Variants in CLEC19A observed in about 807,000 individuals in gnomAD.
CLEC19A encodes the protein C-type lectin domain family 19 member A.
A neutral mutation model predicts 26.1 loss-of-function variants in CLEC19A; 21 were observed. That is an observed-to-expected ratio of 0.80 (90% confidence interval 0.57 to 1.16). The LOEUF (loss-of-function observed/expected upper bound fraction) is 1.16, where lower values mean the gene tolerates loss of function less well. Among genes scored for constraint, CLEC19A ranks in the 50% most tolerant of loss-of-function variants. The pLI, the probability that CLEC19A is intolerant of heterozygous loss-of-function variation, is 0.00. For synonymous variants in CLEC19A, 89 were observed against 88.6 expected (o/e 1.00, Z -0.03); for missense variants, 224 against 227.6 (o/e 0.98, Z 0.10).
intron 3 of CLEC19A, 190 bp downstream of exon 3, chr16:19,304,345 G>A (rs1301651137): frequency 2.1e-6 from 1 of 477,072 alleles, no homozygotes; most frequent in African/African-American, 2.0e-5. Flanking sequence ...CCTACTAAAT[G>A]ATGGGAACAG....
At chr16:19,295,482 C>T (rs991627683) in intron 1 of CLEC19A, among the ~76,000 whole-genome samples, 11 of 152,262 alleles carry the variant, frequency 7.2e-5, no homozygotes, top group African/African-American at 9.6e-5. Flanking sequence ...GTATTACAGG[C>T]GTGAGCCACC....
chr16:19,299,805 G>A (rs965478492), intron 2 of CLEC19A, among the ~76,000 whole-genome samples: 2 of 152,210 alleles, frequency 1.3e-5, no homozygotes, highest in African/African-American at 4.8e-5. Flanking sequence ...CAGGCCAGGT[G>A]TGATGTGTTC....
At chr16:19,295,678 CTT>C (rs1317766308) in intron 1 of CLEC19A, among the ~76,000 whole-genome samples, 1 of 152,202 alleles carries the variant, frequency 6.6e-6, no homozygotes, top group Non-Finnish European at 1.5e-5. Flanking sequence ...CCTGGACAAA[CTT>C]AGCCAAGTTC....
Position 19,309,261 on chromosome 16 carries a change from G to T in CLEC19A, c.*178G>T. 2.0e-6 allele frequency: 1 copy of T among 505,330 alleles called. No individual in the cohort carries two copies. Among genetic ancestry groups the T allele is most frequent in the Non-Finnish European group, 3.5e-6 (1 of 289,542 alleles). 31.3% of individuals were successfully genotyped at this position (505,330 alleles called of 1,614,324 possible). The stretch of plus-strand genomic sequence containing the variant: ...GGTCACTTGGCCAAGTGTCAGGAAA[G>T]CCAGCTCAAATTGGCTTAATTTTTT... On this transcript the variant is annotated 3_prime_UTR_variant, in exon 5 of 5. Transcript: ENST00000636231.
In CLEC19A at chr16:19,309,185, TA is replaced by T; in HGVS notation, c.*105del. The T allele has an allele frequency of 1.2e-6, 1 of 866,830 alleles. No homozygotes were observed. The highest frequency in any genetic ancestry group is 1.8e-6 in the Non-Finnish European group (1 of 549,278). 53.7% of individuals were successfully genotyped at this position (866,830 alleles called of 1,614,324 possible). On this transcript the variant is annotated 3_prime_UTR_variant, in exon 5 of 5. Transcript: ENST00000636231. ...ATACATGTAAAACATACATAGGAAG[TA>T]AATCTCTTGGACAGAGATTTTAAAC... is the stretch of plus-strand genomic sequence containing the variant.
At chr16:19,295,119 C>T (rs1897678440) in intron 1 of CLEC19A, among the ~76,000 whole-genome samples, 1 of 152,076 alleles carries the variant, frequency 6.6e-6, no homozygotes, top group African/African-American at 2.4e-5. Context: ...CGATAAAATT[C>T]CCCCTCACTG....
chr16:19,303,428 C>T (rs1342595329), intron 2 of CLEC19A, among the ~76,000 whole-genome samples: 2 of 152,130 alleles, frequency 1.3e-5, no homozygotes, highest in Non-Finnish European at 2.9e-5. Flanking sequence ...CAGGGTCCTC[C>T]ACTGATTCCT....
At chr16:19,301,735 G>GTTTTTTTTTTTTTTTTTTTTTTTTTTT (rs750529291) in intron 2 of CLEC19A, among the ~76,000 whole-genome samples, 2 of 35,126 alleles carry the variant, frequency 5.7e-5, no homozygotes, top group Non-Finnish European at 1.0e-4. Context: ...AGGTTTTTTT[G>GTTTTTTTTTTTTTTTTTTTTTTTTTTT]GTTTTTTTTT....
intron 2 of CLEC19A, among the ~76,000 whole-genome samples, chr16:19,301,737 T>TTTTG (rs1897831109): frequency 1.6e-4 from 3 of 18,534 alleles, no homozygotes; most frequent in African/African-American, 3.1e-4. Context: ...GTTTTTTTGG[T>TTTTG]TTTTTTTTTT....
rs1312731645 is a variant in CLEC19A at position 19,298,920 on chromosome 16, A to G, written c.254+82A>G. The stretch of plus-strand genomic sequence containing the variant: ...GTGGAGAATGGTATTTCCAACTGGC[A>G]TTTCTCTTTGGTAATTGAAACTATT... On this transcript the variant is annotated intron_variant, in intron 2 of 4. Transcript: ENST00000636231. 7.2e-6 allele frequency: 10 copies of G among 1,382,234 alleles called. No homozygotes were observed. In the Admixed American group the frequency reaches 2.6e-4, roughly 36 times the overall value. 85.6% of individuals were successfully genotyped at this position (1,382,234 alleles called of 1,614,324 possible). A position where few individuals can be genotyped will look rare whatever the true frequency, so the allele number is the denominator to read the frequency against.
chr16:19,302,835 T>G (rs778540049), intron 2 of CLEC19A, among the ~76,000 whole-genome samples: 48 of 152,172 alleles, frequency 3.2e-4, no homozygotes, highest in Admixed American at 2.7e-3. Context: ...GTTCCAAGTT[T>G]TGCGTCCAGA....
chr16:19,295,313 G>A (rs938890876), intron 1 of CLEC19A, among the ~76,000 whole-genome samples: 1 of 151,838 alleles, frequency 6.6e-6, no homozygotes, highest in African/African-American at 2.4e-5. Context: ...ATACTCAATC[G>A]ATCCTCCCAC....
In CLEC19A at chr16:19,301,766, T is replaced by TTA. The variant is rs1291095115; in HGVS notation, c.255-2296_255-2295insTA. ...TTTTTTTTTTTTTTTTTTTTTTTTG[T>TTA]ATTTTTAGCAGAGACGGAGTTTCAC... On this transcript the variant is annotated intron_variant, in intron 2 of 4. Coordinates refer to ENST00000636231, the MANE Select transcript of CLEC19A (RefSeq NM_001256720.2). 2.8e-4 allele frequency among the ~76,000 whole-genome samples: 33 copies of TTA among 116,142 alleles called. 2 individuals are homozygous for TTA. Among genetic ancestry groups the TTA allele is most frequent in the Non-Finnish European group, 3.4e-4 (19 of 55,652 alleles). 76.2% of individuals were successfully genotyped at this position (116,142 alleles called of 152,430 possible).
intron 1 of CLEC19A, among the ~76,000 whole-genome samples, chr16:19,288,777 A>G (rs1273531904): frequency 6.6e-6 from 1 of 152,026 alleles, no homozygotes; most frequent in Non-Finnish European, 1.5e-5. Flanking sequence ...CCTTTCCCTG[A>G]CTCCTGAGCC....
At chr16:19,301,743 T>TTTTTG (rs1567255441) in intron 2 of CLEC19A, among the ~76,000 whole-genome samples, 9 of 114,596 alleles carry the variant, frequency 7.9e-5, no homozygotes, top group African/African-American at 3.2e-4. Flanking sequence ...TTGGTTTTTT[T>TTTTTG]TTTTTTTTTT....
chr16:19,292,534 A>G lies in CLEC19A; in HGVS notation c.89-6139A>G, dbSNP rs144722567. ...CTCAAGAAGTGGTGTTTGATTCCCT[A>G]CATGTATTTATGCATTCAAGCCCAG... On this transcript the variant is annotated intron_variant, in intron 1 of 4. Coordinates refer to ENST00000636231, the MANE Select transcript of CLEC19A (RefSeq NM_001256720.2). 3.2e-3 allele frequency among the ~76,000 whole-genome samples: 486 copies of G among 152,280 alleles called. 5 individuals carry two copies. Among genetic ancestry groups the G allele is most frequent in the Middle Eastern group, 6.8e-3 (2 of 294 alleles).
chr16:19,308,633 A>C (rs943568044), intron 4 of CLEC19A, among the ~76,000 whole-genome samples: 6 of 152,226 alleles, frequency 3.9e-5, no homozygotes, highest in African/African-American at 1.4e-4. Context: ...CTGGGTTTCA[A>C]ATCTAGATCT....
chr16:19,296,272 G>T (rs1897703943), intron 1 of CLEC19A, among the ~76,000 whole-genome samples: 1 of 152,226 alleles, frequency 6.6e-6, no homozygotes, highest in African/African-American at 2.4e-5. Context: ...CCTGGAAACT[G>T]CCTGCCTAGC....
chr16:19,297,820 T>C (rs994094125), intron 1 of CLEC19A, among the ~76,000 whole-genome samples: 2 of 152,176 alleles, frequency 1.3e-5, no homozygotes, highest in Non-Finnish European at 2.9e-5. Flanking sequence ...AGCATTAACA[T>C]TTTCCAGGTG....
Sources: gnomAD v4.1 joint callset for allele counts (sites outside exome capture counted in the v4.1 genomes callset) on GRCh38, gnomAD v4.1.1 for gene constraint, MANE v1.5 for transcripts, NCBI Gene and HGNC (gene_info 2026-07-23, HGNC 2026-07-21) for gene names.